Variants in RDX observed in about 807,000 individuals in gnomAD.
RDX encodes the protein radixin, also known as deafness, autosomal recessive 24.
Under a neutral mutation model 83.7 loss-of-function variants are expected in RDX, and 32 were observed. That is an observed-to-expected ratio of 0.38 (90% CI 0.29 to 0.51). The LOEUF is 0.51. Among genes scored for constraint, RDX ranks in the 20% least tolerant of loss-of-function variants. RDX has a pLI of 0.87. For missense variants in RDX, 600 were observed against 689.9 expected, an observed-to-expected ratio of 0.87 and a Z score of 1.46; for synonymous variants, 229 against 222.7, an observed-to-expected ratio of 1.03 and a Z score of -0.25.
At chr11:110,237,091 A>C (rs1490462043) in intron 11 of RDX, among the ~76,000 whole-genome samples, 1 of 144,912 alleles carries the variant, frequency 6.9e-6, no homozygotes, top group Admixed American at 6.8e-5. Flanking sequence ...TTATGGCCTC[A>C]TAGGAACTAT....
At chr11:110,240,187 T>C (rs1343308729) in intron 10 of RDX, among the ~76,000 whole-genome samples, 3 of 152,164 alleles carry the variant, frequency 2.0e-5, no homozygotes, top group Non-Finnish European at 4.4e-5. Context: ...ATACATACAC[T>C]ATGGAATATT....
chr11:110,285,377 C>T (rs1395174316), intron 1 of RDX, among the ~76,000 whole-genome samples: 2 of 151,586 alleles, frequency 1.3e-5, no homozygotes, highest in Non-Finnish European at 2.9e-5. Context: ...AGTGTGAGAC[C>T]TCATCTCAAA....
chr11:110,266,349 T>G (rs2134387375), intron 3 of RDX, among the ~76,000 whole-genome samples: 1 of 149,320 alleles, frequency 6.7e-6, no homozygotes, highest in Non-Finnish European at 1.5e-5. Flanking sequence ...AAAAAGAAAA[T>G]AAAGTAAGAG....
intron 2 of RDX, among the ~76,000 whole-genome samples, chr11:110,277,497 T>TTA (rs1343828764): frequency 2.0e-5 from 3 of 152,094 alleles, no homozygotes; most frequent in Non-Finnish European, 4.4e-5. Flanking sequence ...TTTTTGTACT[T>TTA]TCAGTAGAGA....
At chr11:110,223,711 C>A (rs1192951994) in intron 14 of RDX, among the ~76,000 whole-genome samples, 18 of 152,088 alleles carry the variant, frequency 1.2e-4, no homozygotes, top group Admixed American at 1.2e-3. Context: ...TCTAAGATGT[C>A]ATTTGGGTAC....
At chr11:110,175,007 G>A (rs1457755637) in exon 16 of RDX, 1 of 152,242 alleles carries the variant, frequency 6.6e-6, no homozygotes, top group Non-Finnish European at 1.5e-5. Flanking sequence ...CTGCGACAAT[G>A]ATGTCACTTG....
chr11:110,217,086 C>T (rs906852756), intron 14 of RDX, among the ~76,000 whole-genome samples: 1 of 152,190 alleles, frequency 6.6e-6, no homozygotes, highest in Non-Finnish European at 1.5e-5. Context: ...TTTGCATCTA[C>T]CATCTTGATT....
intron 10 of RDX, among the ~76,000 whole-genome samples, chr11:110,239,158 T>C (rs1384930205): frequency 6.6e-6 from 1 of 150,844 alleles, no homozygotes; most frequent in African/African-American, 2.4e-5. Flanking sequence ...GCTATTTATA[T>C]ATAACAACAG....
rs1864645888 is a variant in RDX, at chr11:110,231,770, C to G, written c.*99G>C. On this transcript the variant is annotated 3_prime_UTR_variant, in exon 14 of 14. Transcript: ENST00000645495. The stretch of plus-strand genomic sequence containing the variant: ...TAGCACAGTCAAACTGGTGTAAGTG[C>G]TTTGGCAAGGTGGGATGCATTCCAT... 1 of 1,362,224 alleles carries G rather than the reference C, an allele frequency of 7.3e-7. No homozygotes were observed. The highest frequency in any genetic ancestry group is 1.4e-5 in the African/African-American group (1 of 70,038). 84.4% of individuals were successfully genotyped at this position (1,362,224 alleles called of 1,614,324 possible).
intron 2 of RDX, 61 bp from the exon 3 acceptor site, chr11:110,272,680 T>C: frequency 5.3e-6 from 6 of 1,133,978 alleles, no homozygotes; most frequent in South Asian, 2.6e-5. Context: ...GAGAAAACTT[T>C]TATGATTTTC....
intron 12 of RDX, among the ~76,000 whole-genome samples, chr11:110,235,394 T>C (rs1040378966): frequency 1.3e-5 from 2 of 152,192 alleles, no homozygotes; most frequent in Non-Finnish European, 2.9e-5. Context: ...CCATGCCTTT[T>C]TGTGACCACA....
At chr11:110,280,401 G>GCCC (rs1338786632) in intron 1 of RDX, among the ~76,000 whole-genome samples, 1 of 152,050 alleles carries the variant, frequency 6.6e-6, no homozygotes, top group Non-Finnish European at 1.5e-5. Flanking sequence ...GTGCCAACAT[G>GCCC]CCCAGCTAGT....
At chr11:110,244,960 C>G (rs1027493559) in intron 10 of RDX, among the ~76,000 whole-genome samples, 2 of 148,482 alleles carry the variant, frequency 1.3e-5, no homozygotes, top group Admixed American at 1.3e-4. Flanking sequence ...ATCTGTACTT[C>G]AAAGTTTTTT....
chr11:110,201,951 G>T (rs1037265389), intron 14 of RDX, among the ~76,000 whole-genome samples: 1 of 125,382 alleles, frequency 8.0e-6, no homozygotes, highest in Non-Finnish European at 1.7e-5. Flanking sequence ...GTGTGTGTGT[G>T]TGTGTTTTCA....
chr11:110,274,061 T>C (rs763601505), intron 2 of RDX, among the ~76,000 whole-genome samples: 5 of 152,230 alleles, frequency 3.3e-5, no homozygotes, highest in African/African-American at 9.6e-5. Flanking sequence ...CAGCACATTA[T>C]AGCTTTCACC....
At chr11:110,245,543 T>C (rs1424207570) in intron 10 of RDX, among the ~76,000 whole-genome samples, 1 of 152,214 alleles carries the variant, frequency 6.6e-6, no homozygotes, top group East Asian at 1.9e-4. Flanking sequence ...TTAAAATGAC[T>C]TGCTTATAGT....
Position 110,189,243 on chromosome 11 carries a change from T to TAAAAAAA in RDX, c.*31+10331_*31+10337dup, listed in dbSNP as rs35450797. On this transcript the variant is annotated intron_variant, in intron 15 of 15. Coordinates refer to the RDX transcript ENST00000528498. Reference sequence around the variant, plus strand: ...AAACAAACTTTAAATGAACAACAGGTAAAAAAAAAAAAAAAAAAAAAAAAA... The same window carrying TAAAAAAA: ...AAACAAACTTTAAATGAACAACAGGTAAAAAAAAAAAAAAAAAAAAAAAAAAAAAAAA... Among the ~76,000 whole-genome samples, 75 of 35,582 alleles carry TAAAAAAA rather than the reference T, an allele frequency of 2.1e-3. 2 individuals are homozygous for TAAAAAAA. Among genetic ancestry groups the TAAAAAAA allele is most frequent in the Middle Eastern group, 0.022 (1 of 46 alleles). 23.3% of individuals were successfully genotyped at this position (35,582 alleles called of 152,430 possible). A position where few individuals can be genotyped will look rare whatever the true frequency, so the allele number is the denominator to read the frequency against.
intron 14 of RDX, among the ~76,000 whole-genome samples, chr11:110,215,039 A>C (rs1462677499): frequency 3.7e-4 from 28 of 76,166 alleles, no homozygotes; most frequent in South Asian, 1.5e-3. Flanking sequence ...GACCTAACAA[A>C]AAAAAAAAAA....
At chr11:110,204,897 T>A (rs960195772) in intron 14 of RDX, among the ~76,000 whole-genome samples, 1 of 152,208 alleles carries the variant, frequency 6.6e-6, no homozygotes, top group African/African-American at 2.4e-5. Flanking sequence ...CCATACAGGT[T>A]ACACGAATTT....
Sources: allele counts gnomAD v4.1 joint callset (sites outside exome capture counted in the v4.1 genomes callset), GRCh38; gene constraint gnomAD v4.1.1; transcripts MANE v1.5; gene names NCBI Gene and HGNC (gene_info 2026-07-23, HGNC 2026-07-21).